Variants in SLC24A2 observed in about 807,000 individuals in gnomAD.
The protein encoded by SLC24A2 is solute carrier family 24 member 2, also known as sodium/potassium/calcium exchanger 2.
Under a neutral mutation model 62.0 loss-of-function variants are expected in SLC24A2, and 36 were observed. That is an observed-to-expected ratio of 0.58 (90% CI 0.44 to 0.77). The LOEUF (loss-of-function observed/expected upper bound fraction) is 0.77, where lower values mean the gene tolerates loss of function less well. SLC24A2 is among the 30% of genes least tolerant of loss of function. The probability of loss-of-function intolerance (pLI) is 0.00; values close to 1 mark genes in which losing one functional copy is unlikely to be tolerated. For missense variants in SLC24A2, 846 were observed against 817.9 expected, an observed-to-expected ratio of 1.03 and a Z score of -0.42; for synonymous variants, 358 against 294.0, an observed-to-expected ratio of 1.22 and a Z score of -2.23.
the SLC24A2 span, among the ~76,000 whole-genome samples, chr9:20,172,665 T>C: frequency 1.3e-5 from 2 of 151,866 alleles, no homozygotes; most frequent in African/African-American, 4.8e-5. Context: ...TTAGATACCC[T>C]GAACAGCCCA....
the SLC24A2 span, among the ~76,000 whole-genome samples, chr9:20,251,240 T>TGGGAGG: frequency 6.6e-6 from 1 of 152,224 alleles, no homozygotes; most frequent in East Asian, 1.9e-4. Flanking sequence ...CTCATACTCT[T>TGGGAGG]AGGTGTTTCC....
chr9:19,686,235 G>T (rs1002335301), intron 2 of SLC24A2, among the ~76,000 whole-genome samples: 1 of 152,090 alleles, frequency 6.6e-6, no homozygotes, highest in African/African-American at 2.4e-5. Flanking sequence ...CAGTCATAAT[G>T]GCTATTATAA....
chr9:20,295,933 A>G, the SLC24A2 span, among the ~76,000 whole-genome samples: 1 of 152,142 alleles, frequency 6.6e-6, no homozygotes, highest in Non-Finnish European at 1.5e-5. Context: ...TTTTGGTTCT[A>G]TCTCTCTGGA....
At chr9:20,016,867 G>A in the SLC24A2 span, among the ~76,000 whole-genome samples, 4 of 152,074 alleles carry the variant, frequency 2.6e-5, no homozygotes, top group Non-Finnish European at 5.9e-5. Flanking sequence ...TATCAGGAGA[G>A]ATAAAAGAGG....
chr9:19,786,082 A>G lies in SLC24A2; in HGVS notation c.785T>C (p.Met262Thr). 6.2e-7 allele frequency: 1 copy of G among 1,614,234 alleles called. No individual in the cohort carries two copies. The highest frequency in any genetic ancestry group is 8.5e-7 in the Non-Finnish European group (1 of 1,180,044). ...LIIFFLDNVIMWWESLLLLTA... is the reference protein window; with the variant it reads ...LIIFFLDNVITWWESLLLLTA... ...TAAGAGAAGCAAGCTTTCCCACCAC[A>G]TGATGACATTATCCAGGAAAAATAT... The change falls in exon 2 of 11, where the codon ATG becomes ACG. Residue 262 changes from methionine (M) to threonine (T), a missense_variant. Transcript: ENST00000341998. The surrounding 1 kb of genome is among the most constrained non-coding windows in gnomAD (Gnocchi z 5.0).
the SLC24A2 span, among the ~76,000 whole-genome samples, chr9:20,069,965 C>G: frequency 6.6e-6 from 1 of 152,202 alleles, no homozygotes; most frequent in Admixed American, 6.5e-5. Flanking sequence ...ACACAACTTA[C>G]TGTCTACATT....
chr9:19,988,954 T>C, the SLC24A2 span, among the ~76,000 whole-genome samples: 1 of 152,174 alleles, frequency 6.6e-6, no homozygotes, highest in Non-Finnish European at 1.5e-5. Flanking sequence ...GATTTTCTTT[T>C]AGGAAGCTAA....
the SLC24A2 span, among the ~76,000 whole-genome samples, chr9:20,291,028 C>T: frequency 6.6e-6 from 1 of 152,188 alleles, no homozygotes; most frequent in Non-Finnish European, 1.5e-5. Context: ...GCCCCACTCA[C>T]CCTCTTGACC....
the SLC24A2 span, among the ~76,000 whole-genome samples, chr9:20,287,918 C>G: frequency 6.6e-6 from 1 of 152,230 alleles, no homozygotes; most frequent in Non-Finnish European, 1.5e-5. Context: ...AATAAATGCT[C>G]TAAGTCCATT....
chr9:19,617,296 G>A (rs934788849), intron 4 of SLC24A2, among the ~76,000 whole-genome samples: 5 of 152,206 alleles, frequency 3.3e-5, no homozygotes, highest in Admixed American at 6.5e-5. Context: ...AATGCCTGCT[G>A]TCCTCCTGCT....
the SLC24A2 span, among the ~76,000 whole-genome samples, chr9:20,029,606 C>T: frequency 6.6e-6 from 1 of 152,174 alleles, no homozygotes; most frequent in African/African-American, 2.4e-5. Context: ...TAGTCAAACA[C>T]ACCTATACTT....
the SLC24A2 span, among the ~76,000 whole-genome samples, chr9:19,880,169 C>T: frequency 6.6e-6 from 1 of 152,122 alleles, no homozygotes; most frequent in Admixed American, 6.6e-5. Flanking sequence ...GAATTTATGG[C>T]AATGTTGTGA....
At chr9:19,643,045 T>TA (rs754491011) in intron 2 of SLC24A2, among the ~76,000 whole-genome samples, 45 of 147,444 alleles carry the variant, frequency 3.1e-4, no homozygotes, top group Non-Finnish European at 5.7e-4. Context: ...GTCTGCCTTA[T>TA]AAAAAATCAG....
At chr9:19,902,564 G>A in the SLC24A2 span, among the ~76,000 whole-genome samples, 2 of 152,162 alleles carry the variant, frequency 1.3e-5, no homozygotes, top group South Asian at 2.1e-4. Flanking sequence ...AAGCAGTTAA[G>A]TTTAGGTCCA....
chr9:20,182,669 G>T, the SLC24A2 span, among the ~76,000 whole-genome samples: 30 of 152,114 alleles, frequency 2.0e-4, no homozygotes, highest in African/African-American at 5.6e-4. Flanking sequence ...AGCATTAGGA[G>T]AAATACCTAA....
the SLC24A2 span, among the ~76,000 whole-genome samples, chr9:19,981,998 A>T: frequency 6.6e-6 from 1 of 152,138 alleles, no homozygotes; most frequent in Non-Finnish European, 1.5e-5. Flanking sequence ...TGTCTTTAAA[A>T]TGTCTATTAT....
At chr9:19,857,280 C>T in the SLC24A2 span, among the ~76,000 whole-genome samples, 3 of 152,170 alleles carry the variant, frequency 2.0e-5, no homozygotes, top group Admixed American at 1.3e-4. Flanking sequence ...TTTGACCCTC[C>T]TAACTTTCTC....
the SLC24A2 span, among the ~76,000 whole-genome samples, chr9:20,001,025 TC>T: frequency 1.3e-5 from 2 of 152,180 alleles, no homozygotes; most frequent in Non-Finnish European, 2.9e-5. Flanking sequence ...AGGCCCTTTC[TC>T]TCCCCATCCA....
the SLC24A2 span, among the ~76,000 whole-genome samples, chr9:20,085,220 A>G: frequency 6.6e-6 from 1 of 152,144 alleles, no homozygotes; most frequent in Non-Finnish European, 1.5e-5. Flanking sequence ...GCTGGTCTCA[A>G]ACTCCTGGGT....
Sources: allele counts gnomAD v4.1 joint callset (sites outside exome capture counted in the v4.1 genomes callset), GRCh38; gene constraint gnomAD v4.1.1; non-coding constraint Gnocchi (gnomAD v3.1); transcripts MANE v1.5; gene names NCBI Gene and HGNC (gene_info 2026-07-23, HGNC 2026-07-21).